The following COL6A3 variants were observed in gnomAD, a reference collection of about 807,000 sequenced individuals.
The protein encoded by COL6A3 is collagen type VI alpha 3 chain.
Under a neutral mutation model 274.1 loss-of-function variants are expected in COL6A3, and 137 were observed. The observed-to-expected ratio is 0.50, with a 90% CI of 0.44 to 0.58. The LOEUF (loss-of-function observed/expected upper bound fraction) is 0.58, where lower values mean the gene tolerates loss of function less well. COL6A3 is among the 20% of genes least tolerant of loss of function. The pLI, the probability that COL6A3 is intolerant of heterozygous loss-of-function variation, is 0.00. For synonymous variants in COL6A3, 1,650 were observed against 1,650.6 expected (o/e 1.00, Z 0.01); for missense variants, 3,950 against 4,124.9 (o/e 0.96, Z 1.16).
chr2:237,394,757 G>A lies in COL6A3; in HGVS notation c.539C>T (p.Ala180Val), dbSNP rs765867474. Residue 180 changes from alanine (A) to valine (V), a missense_variant, in exon 3 of 44, where the codon GCA (alanine) becomes GTA (valine). Around this residue, in one of 5 missense-constraint regions of COL6A3, gnomAD observed 1,934 missense variants for 1,984.3 expected, o/e 0.97. Transcript: ENST00000295550. ...VNVFAIGVED[A>V]DEGALKEIAS... ...TATTTCTTTTAACGCTCCTTCATCT[G>A]CATCCTCAACTCCAATTGCAAACAC... The A allele has an allele frequency of 1.1e-5, 17 of 1,614,174 alleles. No homozygotes were observed. In the East Asian group the frequency reaches 3.8e-4, roughly 36 times the overall value.
At chr2:237,397,017 TGATAGATAGATAGATA>T (rs60589035) in intron 1 of COL6A3, among the ~76,000 whole-genome samples, 170 bp from the exon 2 acceptor site, 2 of 146,110 alleles carry the variant, frequency 1.4e-5, no homozygotes, top group South Asian at 4.5e-4. Flanking sequence ...GTTAGATAGA[TGATAGATAGATAGATA>T]GATAGATAGA....
In COL6A3 at chr2:237,407,702, G is replaced by T. The variant is rs1211624252; in HGVS notation, c.-31+6251C>A. Reference sequence around the variant, plus strand: ...GCAGATAATAACCATGAGGCAGAAAGTTCCATATCTGGTGTGATTTGAAAA... The same window carrying T: ...GCAGATAATAACCATGAGGCAGAAATTTCCATATCTGGTGTGATTTGAAAA... On this transcript the variant is annotated intron_variant, in intron 1 of 43. Transcript: ENST00000295550. The surrounding 1 kb of genome is among the most constrained non-coding windows in gnomAD (Gnocchi z 4.3). Among the ~76,000 whole-genome samples the T allele has an allele frequency of 6.6e-6, 1 of 152,198 alleles. No individual in the cohort carries two copies. Among genetic ancestry groups the T allele is most frequent in the Non-Finnish European group, 1.5e-5 (1 of 68,042 alleles).
Position 237,371,549 on chromosome 2 carries a change from G to C in COL6A3, c.4285+183C>G. 1 of 1,338,626 alleles carries C rather than the reference G, an allele frequency of 7.5e-7. No individual in the cohort carries two copies. The highest frequency in any genetic ancestry group is 9.8e-7 in the Non-Finnish European group (1 of 1,018,416). 82.9% of individuals were successfully genotyped at this position (1,338,626 alleles called of 1,614,324 possible). ...GAAGGCAGAGGTTAAAATGAGTTATGATCATGCCACTGCACTCCAGCCTGG... is the reference window on the plus strand; with the variant it reads ...GAAGGCAGAGGTTAAAATGAGTTATCATCATGCCACTGCACTCCAGCCTGG... On this transcript the variant is annotated intron_variant, in intron 9 of 43. Transcript: ENST00000295550. The surrounding 1 kb of genome is among the most constrained non-coding windows in gnomAD (Gnocchi z 4.3).
intron 41 of COL6A3, among the ~76,000 whole-genome samples, chr2:237,334,237 GTGAC>G: frequency 6.6e-6 from 1 of 152,318 alleles, no homozygotes; most frequent in Admixed American, 6.5e-5. Flanking sequence ...TAAGGAGCCA[GTGAC>G]TGGCTGGTGT....
chr2:237,354,758 T>C, intron 24 of COL6A3, 141 bp downstream of exon 24: 1 of 720,200 alleles, frequency 1.4e-6, no homozygotes, highest in Non-Finnish European at 2.3e-6. Flanking sequence ...GTCTTTAACC[T>C]TGGCGAAATC....
chr2:237,362,182 G>A (rs564755468), intron 14 of COL6A3, among the ~76,000 whole-genome samples: 1 of 152,142 alleles, frequency 6.6e-6, no homozygotes, highest in Admixed American at 6.5e-5. Context: ...CAGTTCCAAA[G>A]TGCAAAGCCA....
intron 32 of COL6A3, 90 bp from the exon 33 acceptor site, chr2:237,345,303 A>G: frequency 7.7e-7 from 1 of 1,294,042 alleles, no homozygotes; most frequent in Non-Finnish European, 1.1e-6. Context: ...ACAGAGCAAG[A>G]CAAAGGGGCC....
chr2:237,331,341 C>T (rs1311732555), intron 42 of COL6A3, among the ~76,000 whole-genome samples: 1 of 151,938 alleles, frequency 6.6e-6, no homozygotes, highest in East Asian at 1.9e-4. Flanking sequence ...AAATTTTCCC[C>T]CCACCCCAGG....
intron 1 of COL6A3, among the ~76,000 whole-genome samples, chr2:237,411,493 T>A (rs947753785): frequency 2.0e-5 from 3 of 152,134 alleles, no homozygotes; most frequent in Admixed American, 6.5e-5. Flanking sequence ...AAGAAGGCGG[T>A]CTTGTTTCAA....
rs58879455 is a variant in COL6A3 at position 237,326,244 on chromosome 2, AGTGT to A, written c.9329-524_9329-521del. The A allele has an allele frequency of 7.5e-3, 1,141 of 151,676 alleles. 7 individuals are homozygous for A. Among genetic ancestry groups the A allele is most frequent in the Middle Eastern group, 0.014 (4 of 294 alleles). 9.4% of individuals were successfully genotyped at this position (151,676 alleles called of 1,614,324 possible). ...AAAGCAGAAAAGAAAATCCTTTATG[AGTGT>A]GTGTGTGTGTGTGTGTGTGTGTGTA... On this transcript the variant is annotated intron_variant, in intron 42 of 43. Coordinates refer to ENST00000295550, the MANE Select transcript of COL6A3 (RefSeq NM_004369.4).
chr2:237,392,364 C>T (rs1009115724), intron 3 of COL6A3, among the ~76,000 whole-genome samples: 1 of 152,234 alleles, frequency 6.6e-6, no homozygotes, highest in Non-Finnish European at 1.5e-5. Context: ...TGCTTCTCTG[C>T]AACTGCTCCA....
At chr2:237,398,154 T>C (rs1204379610) in intron 1 of COL6A3, among the ~76,000 whole-genome samples, 1 of 152,240 alleles carries the variant, frequency 6.6e-6, no homozygotes, top group Non-Finnish European at 1.5e-5. Flanking sequence ...CTATTAATAT[T>C]TAGCACTTTT....
At chr2:237,366,241 A>C (rs2077548633) in intron 11 of COL6A3, among the ~76,000 whole-genome samples, 1 of 152,216 alleles carries the variant, frequency 6.6e-6, no homozygotes, top group Admixed American at 6.5e-5. Flanking sequence ...GGTGCCAAAT[A>C]GTAAGCTATT....
At chr2:237,345,139 G>C (rs760030485) in intron 33 of COL6A3, 42 bp downstream of exon 33, 3 of 1,614,008 alleles carry the variant, frequency 1.9e-6, no homozygotes, top group Non-Finnish European at 2.5e-6. Flanking sequence ...CAAATCAAAG[G>C]CTCATGAGGT....
chr2:237,351,290 C>T (rs185175178), intron 26 of COL6A3, 98 bp from the exon 27 acceptor site: 19 of 1,166,840 alleles, frequency 1.6e-5, no homozygotes, highest in Admixed American at 1.1e-4. Context: ...AGTCAGAGCC[C>T]GCCAGGGGCA....
At chr2:237,338,361 T>C (rs1328059563) in intron 39 of COL6A3, among the ~76,000 whole-genome samples, 1 of 152,146 alleles carries the variant, frequency 6.6e-6, no homozygotes, top group Non-Finnish European at 1.5e-5. Flanking sequence ...AGCAGCTCTA[T>C]AGCTGACAAG....
intron 3 of COL6A3, among the ~76,000 whole-genome samples, chr2:237,391,823 T>C (rs896924629): frequency 6.6e-6 from 1 of 152,134 alleles, no homozygotes; most frequent in Non-Finnish European, 1.5e-5. Flanking sequence ...CTTTCACTAT[T>C]TTTTGGTAGG....
intron 43 of COL6A3, 55 bp from the exon 44 acceptor site, chr2:237,324,869 G>C (rs1359348696): frequency 7.5e-6 from 12 of 1,590,578 alleles, no homozygotes; most frequent in Non-Finnish European, 1.0e-5. Context: ...AGAGAAGAGA[G>C]GAAAAGCCAC....
In COL6A3 at chr2:237,374,969, CT is replaced by C; in HGVS notation, c.3121del (p.Arg1041GlyfsTer7). 1 of 1,613,986 alleles carries C rather than the reference CT, an allele frequency of 6.2e-7. No individual in the cohort carries two copies. The highest frequency in any genetic ancestry group is 8.5e-7 in the Non-Finnish European group (1 of 1,180,016). ...VFLLDGSEGVRSGFPLLKEFV... is the reference protein window; with the variant it reads ...VFLLDGSEGVXSGFPLLKEFV... ...CTCTTTCAACAGAGGGAAGCCGCTC[CT>C]GACGCCCTCAGAGCCATCAAGCAGA... On this transcript the variant is annotated frameshift_variant, in exon 8 of 44. Coordinates refer to ENST00000295550, the MANE Select transcript of COL6A3 (RefSeq NM_004369.4). LOFTEE classifies it high-confidence loss of function. The surrounding 1 kb of genome is among the most constrained non-coding windows in gnomAD (Gnocchi z 4.8).
Sources: gnomAD v4.1 joint callset for allele counts (sites outside exome capture counted in the v4.1 genomes callset) on GRCh38, gnomAD v4.1.1 for gene constraint, gnomAD v4.1.1 regional missense constraint, Gnocchi (gnomAD v3.1) non-coding constraint, MANE v1.5 for transcripts, NCBI Gene and HGNC (gene_info 2026-07-23, HGNC 2026-07-21) for gene names.